The following TENM2 variants were observed in gnomAD, a reference collection of about 807,000 sequenced individuals.
The protein encoded by TENM2 is teneurin-2.
TENM2 carries 52 observed loss-of-function variants against 245.2 expected under a neutral mutation model. The ratio of observed to expected loss-of-function variants is 0.21; its 90% CI spans 0.17 to 0.27. The LOEUF is 0.27. Ranked by LOEUF, TENM2 falls within the 10% of genes least tolerant of loss-of-function variation. The pLI is 1.00. For synonymous variants in TENM2, 1,363 were observed against 1,438.9 expected, an observed-to-expected ratio of 0.95 and a Z score of 1.19; for missense variants, 3,046 against 3,666.8, an observed-to-expected ratio of 0.83 and a Z score of 4.37.
At chr5:167,362,295 C>A (rs1026307767) in intron 1 of TENM2, among the ~76,000 whole-genome samples, 8 of 152,276 alleles carry the variant, frequency 5.3e-5, no homozygotes, top group Admixed American at 4.6e-4. Flanking sequence ...TGGTTTTAGA[C>A]AAGTATCTAC....
At chr5:168,015,480 T>C (rs1785577371) in intron 5 of TENM2, among the ~76,000 whole-genome samples, 1 of 152,210 alleles carries the variant, frequency 6.6e-6, no homozygotes, top group Non-Finnish European at 1.5e-5. Context: ...GAGAATAAAG[T>C]GCTTCTGAGT....
intron 2 of TENM2, among the ~76,000 whole-genome samples, chr5:167,620,851 A>G (rs1032952054): frequency 2.0e-5 from 3 of 152,090 alleles, no homozygotes; most frequent in Non-Finnish European, 4.4e-5. Flanking sequence ...ACCCCTAAAT[A>G]ACAAACCCAG....
upstream of TENM2, among the ~76,000 whole-genome samples, chr5:167,282,366 C>T (rs1164681634): frequency 6.6e-6 from 1 of 152,156 alleles, no homozygotes; most frequent in Non-Finnish European, 1.5e-5. Flanking sequence ...ATTATTAGAA[C>T]TGTGAGTTTC....
chr5:167,343,536 A>G (rs1758253243), intron 1 of TENM2, among the ~76,000 whole-genome samples: 1 of 152,200 alleles, frequency 6.6e-6, no homozygotes, highest in Non-Finnish European at 1.5e-5. Context: ...TTTATTTACT[A>G]ACACCTCTAA....
intron 2 of TENM2, among the ~76,000 whole-genome samples, chr5:167,732,043 T>C (rs966715388): frequency 2.6e-5 from 4 of 152,214 alleles, no homozygotes; most frequent in Admixed American, 6.5e-5. Context: ...CCAGGACTTA[T>C]TTTGTGATAC....
At chr5:167,159,898 A>AT in the TENM2 span, among the ~76,000 whole-genome samples, 8 of 152,026 alleles carry the variant, frequency 5.3e-5, no homozygotes, top group African/African-American at 1.9e-4. Context: ...TTCTGCAATT[A>AT]TTTACAGTGT....
intron 2 of TENM2, among the ~76,000 whole-genome samples, chr5:167,766,929 G>A (rs1763068771): frequency 6.6e-6 from 1 of 151,874 alleles, no homozygotes; most frequent in Non-Finnish European, 1.5e-5. Context: ...AAAAAAACTA[G>A]AACCCTCAAG....
intron 2 of TENM2, among the ~76,000 whole-genome samples, chr5:167,637,474 A>G (rs10071710): frequency 0.044 from 6,674 of 152,286 alleles, 517 homozygotes; most frequent in African/African-American, 0.15. Flanking sequence ...TTATTGGTAT[A>G]TACCCAAAGG....
intron 2 of TENM2, among the ~76,000 whole-genome samples, chr5:167,742,845 A>G (rs1369875075): frequency 2.6e-5 from 4 of 151,870 alleles, no homozygotes; most frequent in African/African-American, 9.7e-5. Context: ...GCATGTGCCT[A>G]TAGTCCCAGC....
At chr5:167,951,811 TATACAC>T (rs1255438585) in intron 3 of TENM2, among the ~76,000 whole-genome samples, 1 of 152,086 alleles carries the variant, frequency 6.6e-6, no homozygotes, top group African/African-American at 2.4e-5. Context: ...ATATTACACA[TATACAC>T]ATATATACAC....
chr5:167,977,240 G>A (rs1460902164), intron 4 of TENM2, among the ~76,000 whole-genome samples: 3 of 151,988 alleles, frequency 2.0e-5, no homozygotes, highest in Non-Finnish European at 2.9e-5. Flanking sequence ...CTTAGAACCT[G>A]GGTGACAAAA....
intron 2 of TENM2, among the ~76,000 whole-genome samples, chr5:167,819,254 G>A (rs1434281782): frequency 6.6e-6 from 1 of 152,064 alleles, no homozygotes; most frequent in East Asian, 1.9e-4. Context: ...TCTATCCATT[G>A]CTTCCATCTC....
At chr5:167,320,303 T>A (rs540319030) in intron 1 of TENM2, among the ~76,000 whole-genome samples, 14 of 152,200 alleles carry the variant, frequency 9.2e-5, no homozygotes, top group Non-Finnish European at 1.5e-4. Flanking sequence ...ATTAATACAA[T>A]AAAACTAGTC....
chr5:168,185,998 TTA>T (rs1053853740), intron 13 of TENM2: 7 of 121,726 alleles, frequency 5.8e-5, no homozygotes, highest in South Asian at 2.6e-4. Context: ...ATATTTGAAT[TTA>T]TATATATATA....
intron 2 of TENM2, among the ~76,000 whole-genome samples, chr5:167,604,900 C>T (rs940455750): frequency 2.6e-5 from 4 of 152,160 alleles, no homozygotes; most frequent in Non-Finnish European, 4.4e-5. Context: ...ATTGATTCTA[C>T]TTGGACAGAT....
At chr5:168,255,627 T>G (rs2152709772) in intron 27 of TENM2, among the ~76,000 whole-genome samples, 1 of 152,076 alleles carries the variant, frequency 6.6e-6, no homozygotes, top group Non-Finnish European at 1.5e-5. Flanking sequence ...CTAATCTCCC[T>G]TTTCAACAGA....
intron 2 of TENM2, among the ~76,000 whole-genome samples, chr5:167,457,855 A>G (rs917571428): frequency 1.3e-5 from 2 of 152,186 alleles, no homozygotes; most frequent in Non-Finnish European, 2.9e-5. Flanking sequence ...GTAACATCCC[A>G]TTCCTAAGTC....
At chr5:168,180,468 A>G (rs145113435) in intron 13 of TENM2, among the ~76,000 whole-genome samples, 1 of 152,346 alleles carries the variant, frequency 6.6e-6, no homozygotes, top group East Asian at 1.9e-4. Context: ...CCTGCAGGAG[A>G]CAGAGTTTGG....
chr5:166,992,090 C>A, the TENM2 span, among the ~76,000 whole-genome samples: 1 of 148,188 alleles, frequency 6.7e-6, no homozygotes, highest in African/African-American at 2.5e-5. Flanking sequence ...TTAAGAAGAG[C>A]ATTCAATTGT....
Sources: gnomAD v4.1 joint callset for allele counts (sites outside exome capture counted in the v4.1 genomes callset) on GRCh38, gnomAD v4.1.1 for gene constraint, MANE v1.5 for transcripts, NCBI Gene and HGNC (gene_info 2026-07-23, HGNC 2026-07-21) for gene names.